PRKD1: variants seen among roughly 807,000 people sequenced by gnomAD.
The protein encoded by PRKD1 is protein kinase D1.
In PRKD1, 63 loss-of-function variants were observed where a neutral mutation model predicts 95.9. The observed-to-expected ratio is 0.66, with a 90% CI of 0.54 to 0.81. The LOEUF (loss-of-function observed/expected upper bound fraction) is 0.81, where lower values mean the gene tolerates loss of function less well. Ranked by LOEUF, PRKD1 falls within the 30% of genes least tolerant of loss-of-function variation. PRKD1 has a pLI of 0.00. For synonymous variants in PRKD1, 425 were observed against 423.1 expected (o/e 1.00, Z -0.05); for missense variants, 1,048 against 1,165.3 (o/e 0.90, Z 1.47).
chr14:29,903,838 G>T (rs1440030358), intron 1 of PRKD1, among the ~76,000 whole-genome samples: 1 of 152,096 alleles, frequency 6.6e-6, no homozygotes, highest in Non-Finnish European at 1.5e-5. Context: ...AGCTTGTACA[G>T]TCTAGCTTTA....
chr14:29,702,132 G>C (rs960470492), intron 2 of PRKD1, among the ~76,000 whole-genome samples: 2 of 152,118 alleles, frequency 1.3e-5, no homozygotes, highest in African/African-American at 4.8e-5. Flanking sequence ...ATGTATCACA[G>C]TTTTCCTCTA....
intron 13 of PRKD1, among the ~76,000 whole-genome samples, chr14:29,609,706 ATTTCTTT>A (rs1878307652): frequency 2.7e-5 from 1 of 37,114 alleles, no homozygotes. Flanking sequence ...ACGCCCAGCT[ATTTCTTT>A]ATTTTTTTTT....
chr14:29,808,967 A>G (rs181788589), intron 1 of PRKD1, among the ~76,000 whole-genome samples: 9 of 152,344 alleles, frequency 5.9e-5, no homozygotes, highest in African/African-American at 1.9e-4. Context: ...GCCTTATGAA[A>G]TACATTTCTT....
At position 29,846,066 on chromosome 14, in the gene PRKD1, A is replaced by G. The variant is rs527322393; in HGVS notation, c.264+81183T>C. ...TATACTATACATACATGTTATACCC[A>G]ACCAGTACTGCATTTTTCAACATCT... On this transcript the variant is annotated intron_variant, in intron 1 of 17. Coordinates refer to ENST00000331968, the MANE Select transcript of PRKD1 (RefSeq NM_002742.3). Among the ~76,000 whole-genome samples, 7 of 152,300 alleles carry G rather than the reference A, an allele frequency of 4.6e-5. No individual in the cohort carries two copies. The South Asian group carries it at 1.5e-3, about 32-fold the overall frequency.
At chr14:29,626,113 T>C (rs966518577) in intron 12 of PRKD1, among the ~76,000 whole-genome samples, 10 of 152,188 alleles carry the variant, frequency 6.6e-5, no homozygotes, top group Non-Finnish European at 1.3e-4. Context: ...TCTAATAACA[T>C]GAATGGACTT....
intron 2 of PRKD1, among the ~76,000 whole-genome samples, chr14:29,669,719 T>C (rs894366427): frequency 6.6e-6 from 1 of 151,986 alleles, no homozygotes; most frequent in Non-Finnish European, 1.5e-5. Context: ...AATACAAAAA[T>C]TAGCTGGGCA....
At chr14:29,615,884 A>G (rs983629941) in intron 13 of PRKD1, among the ~76,000 whole-genome samples, 6 of 152,180 alleles carry the variant, frequency 3.9e-5, no homozygotes, top group African/African-American at 1.4e-4. Context: ...TCTTGTGGGG[A>G]AAAACATTAG....
intron 1 of PRKD1, among the ~76,000 whole-genome samples, chr14:29,743,516 T>C (rs917223681): frequency 6.6e-6 from 1 of 152,040 alleles, no homozygotes; most frequent in East Asian, 1.9e-4. Context: ...GAACATAAAA[T>C]TCACTAGTGG....
chr14:29,721,952 C>T (rs1305922548), intron 2 of PRKD1, among the ~76,000 whole-genome samples: 1 of 151,892 alleles, frequency 6.6e-6, no homozygotes, highest in Non-Finnish European at 1.5e-5. Flanking sequence ...TAGCCAGAAG[C>T]AGCTTGGTTA....
At chr14:29,879,676 G>A (rs1241637956) in intron 1 of PRKD1, among the ~76,000 whole-genome samples, 4 of 152,140 alleles carry the variant, frequency 2.6e-5, no homozygotes, top group African/African-American at 9.7e-5. Context: ...CTCAGAAGAA[G>A]ACAGGAAAAT....
chr14:29,774,314 T>C (rs1888640082), intron 1 of PRKD1, among the ~76,000 whole-genome samples: 1 of 152,196 alleles, frequency 6.6e-6, no homozygotes, highest in South Asian at 2.1e-4. Context: ...TTACTTCCTT[T>C]ATTATTAAAA....
rs958711254 is a variant in PRKD1, at chr14:29,770,952, G to GGAAA, written c.265-45282_265-45279dup. Among the ~76,000 whole-genome samples the GGAAA allele has an allele frequency of 6.0e-5, 8 of 133,198 alleles. No individual in the cohort carries two copies. In the South Asian group the frequency reaches 9.4e-4, roughly 16 times the overall value. 87.4% of individuals were successfully genotyped at this position (133,198 alleles called of 152,430 possible). A position where few individuals can be genotyped will look rare whatever the true frequency, so the allele number is the denominator to read the frequency against. On this transcript the variant is annotated intron_variant, in intron 1 of 17. Coordinates refer to ENST00000331968, the MANE Select transcript of PRKD1 (RefSeq NM_002742.3). ...GTCCAAAAAAAAAAAAAAAAAAAAA[G>GGAAA]GAAAGAAAGAAAGAAAGAGAAAAGA...
At chr14:29,670,356 G>T (rs188979960) in intron 2 of PRKD1, among the ~76,000 whole-genome samples, 4 of 152,262 alleles carry the variant, frequency 2.6e-5, no homozygotes, top group African/African-American at 9.6e-5. Context: ...AGTCTGTCTA[G>T]GTCTGTCAGG....
intron 1 of PRKD1, among the ~76,000 whole-genome samples, chr14:29,918,734 TCAAA>T (rs779532719): frequency 3.9e-5 from 6 of 152,276 alleles, no homozygotes; most frequent in South Asian, 4.1e-4. Context: ...TGCTATGGAA[TCAAA>T]CAAACTGAAA....
intron 2 of PRKD1, among the ~76,000 whole-genome samples, chr14:29,696,527 A>C (rs1884527145): frequency 6.6e-6 from 1 of 152,184 alleles, no homozygotes; most frequent in Non-Finnish European, 1.5e-5. Context: ...TTTTGCGATG[A>C]TGGAAATTTC....
At chr14:29,586,950 G>A (rs566534729) in intron 16 of PRKD1, among the ~76,000 whole-genome samples, 7 of 152,222 alleles carry the variant, frequency 4.6e-5, no homozygotes, top group Admixed American at 4.6e-4. Flanking sequence ...TAGACTCATT[G>A]ACCCTTAAGT....
intron 1 of PRKD1, among the ~76,000 whole-genome samples, chr14:29,777,094 T>A (rs952692584): frequency 1.3e-5 from 2 of 152,146 alleles, no homozygotes; most frequent in East Asian, 3.8e-4. Context: ...AAGCAAATGC[T>A]GAGAGATTTT....
intron 2 of PRKD1, among the ~76,000 whole-genome samples, chr14:29,706,576 T>C (rs921462859): frequency 6.6e-6 from 1 of 152,130 alleles, no homozygotes; most frequent in Non-Finnish European, 1.5e-5. Flanking sequence ...TCAAAAATAA[T>C]TATTTAGCAA....
chr14:29,914,526 G>A (rs977406520), intron 1 of PRKD1, among the ~76,000 whole-genome samples: 5 of 152,150 alleles, frequency 3.3e-5, no homozygotes, highest in South Asian at 2.1e-4. Flanking sequence ...AGGCCAAGGC[G>A]GGTTCGAGAC....
Sources: allele counts gnomAD v4.1 joint callset (sites outside exome capture counted in the v4.1 genomes callset), GRCh38; gene constraint gnomAD v4.1.1; transcripts MANE v1.5; gene names NCBI Gene and HGNC (gene_info 2026-07-23, HGNC 2026-07-21).